PCDHGA5: variants seen among roughly 807,000 people sequenced by gnomAD.
PCDHGA5 encodes protocadherin gamma subfamily A, 5.
In PCDHGA5, 36 loss-of-function variants were observed where a neutral mutation model predicts 56.7. That is an observed-to-expected ratio of 0.64 (90% confidence interval 0.49 to 0.84). The LOEUF (loss-of-function observed/expected upper bound fraction) is 0.84, where lower values mean the gene tolerates loss of function less well. Ranked by LOEUF, PCDHGA5 falls within the 40% of genes least tolerant of loss-of-function variation. PCDHGA5 has a pLI of 0.00. For missense variants in PCDHGA5, 1,305 were observed against 1,201.5 expected, an observed-to-expected ratio of 1.09 and a Z score of -1.27; for synonymous variants, 563 against 520.2, an observed-to-expected ratio of 1.08 and a Z score of -1.12.
intron 1 of PCDHGA5, chr5:141,375,958 G>A (rs1002329693): frequency 7.4e-6 from 12 of 1,613,460 alleles, no homozygotes; most frequent in Non-Finnish European, 1.0e-5. Context: ...ACACGGGCGA[G>A]GTGCGCACGG....
At chr5:141,462,896 A>G (rs1280422442) in intron 1 of PCDHGA5, among the ~76,000 whole-genome samples, 1 of 152,142 alleles carries the variant, frequency 6.6e-6, no homozygotes, top group African/African-American at 2.4e-5. Context: ...TTGTTTTGGA[A>G]GGCTATTATG....
Position 141,418,146 on chromosome 5 carries a change from G to A in PCDHGA5, c.2421+51395G>A, listed in dbSNP as rs755513829. The A allele has an allele frequency of 1.1e-5, 18 of 1,613,970 alleles. No homozygotes were observed. In the South Asian group the frequency reaches 1.6e-4, roughly 15 times the overall value. ...GACCGAATAGACCGTGAGCAAATAT[G>A]CAAAGAGAGAAGAAGATGTGAGTTG... is the stretch of plus-strand genomic sequence containing the variant. On this transcript the variant is annotated intron_variant, in intron 1 of 3. Transcript: ENST00000518069.
In PCDHGA5 at chr5:141,477,551, C is replaced by T. The variant is rs372055994; in HGVS notation, c.2422-17256C>T. ...CCTCCCCGGGGCTCCAATACTAAAC[C>T]TAAGTGTCTGGGACCCCGACGCCCC... On this transcript the variant is annotated intron_variant, in intron 1 of 3. Coordinates refer to ENST00000518069, the MANE Select transcript of PCDHGA5 (RefSeq NM_018918.3). The surrounding 1 kb of genome is among the most constrained non-coding windows in gnomAD (Gnocchi z 4.9). The T allele has an allele frequency of 8.1e-6, 13 of 1,614,060 alleles. No homozygotes were observed. Among genetic ancestry groups the T allele is most frequent in the Non-Finnish European group, 1.0e-5 (12 of 1,180,042 alleles).
intron 1 of PCDHGA5, chr5:141,414,991 G>T (rs1162432290): frequency 1.9e-6 from 3 of 1,613,766 alleles, no homozygotes; most frequent in Non-Finnish European, 1.7e-6. Flanking sequence ...CGGCCAGAAC[G>T]CCTGGCTGTC....
intron 1 of PCDHGA5, chr5:141,426,420 C>T (rs2096934904): frequency 3.5e-6 from 1 of 287,972 alleles, no homozygotes; most frequent in Non-Finnish European, 6.9e-6. Flanking sequence ...TCCAGGGCTC[C>T]GTGGTGGGGA....
At chr5:141,407,117 C>T (rs1412216570) in intron 1 of PCDHGA5, among the ~76,000 whole-genome samples, 1 of 152,098 alleles carries the variant, frequency 6.6e-6, no homozygotes, top group African/African-American at 2.4e-5. Flanking sequence ...ATTTGGGTTT[C>T]AGTTGCTTTA....
At chr5:141,372,942 T>C in intron 1 of PCDHGA5, 1 of 786,954 alleles carries the variant, frequency 1.3e-6, no homozygotes. Context: ...GAGTAGGGTG[T>C]CTAGGAAATT....
In PCDHGA5 at chr5:141,365,274, A is replaced by G. The variant is rs199512708; in HGVS notation, c.944A>G (p.Tyr315Cys). 679 of 1,613,988 alleles carry G rather than the reference A, an allele frequency of 4.2e-4. No homozygotes were observed. Among genetic ancestry groups the G allele is most frequent in the Non-Finnish European group, 5.0e-4 (592 of 1,179,890 alleles). The change falls in exon 1 of 4, where the codon TAC (tyrosine) becomes TGC (cysteine). Residue 315 changes from tyrosine to cysteine, a missense_variant. Transcript: ENST00000518069. ...QSLDYEESRF[Y>C]LMEVVAQDGG... ...CTGGACTATGAAGAATCCAGATTCT[A>G]CCTCATGGAAGTGGTAGCTCAGGAT...
intron 1 of PCDHGA5, chr5:141,375,772 G>C (rs769630296): frequency 2.5e-6 from 4 of 1,614,228 alleles, no homozygotes; most frequent in Admixed American, 3.3e-5. Flanking sequence ...CCGAGATCCT[G>C]TACCCCGCCC....
At chr5:141,430,950 TC>T (rs1353555538) in intron 1 of PCDHGA5, 1 of 1,609,980 alleles carries the variant, frequency 6.2e-7, no homozygotes, top group East Asian at 2.2e-5. Flanking sequence ...GAGCGCGGAG[TC>T]CGCATCATCC....
intron 1 of PCDHGA5, chr5:141,430,941 A>G: frequency 6.2e-7 from 1 of 1,608,258 alleles, no homozygotes; most frequent in Non-Finnish European, 8.5e-7. Context: ...GAGCTCGCGG[A>G]GCGCGGAGTC....
chr5:141,376,060 G>T lies in PCDHGA5; in HGVS notation c.2421+9309G>T, dbSNP rs375877156. Reference sequence around the variant, plus strand: ...AGCCCCCTCTCTCCGCCACTGTCACGCTCACCGTGGCCGTGGCCGACAGGA... The same window carrying T: ...AGCCCCCTCTCTCCGCCACTGTCACTCTCACCGTGGCCGTGGCCGACAGGA... On this transcript the variant is annotated intron_variant, in intron 1 of 3. Transcript: ENST00000518069. 3.7e-5 allele frequency: 60 copies of T among 1,613,348 alleles called. No homozygotes were observed. The African/African-American group carries it at 7.5e-4, about 20-fold the overall frequency.
At chr5:141,426,052 G>T (rs2096912121) in intron 1 of PCDHGA5, among the ~76,000 whole-genome samples, 1 of 152,162 alleles carries the variant, frequency 6.6e-6, no homozygotes, top group South Asian at 2.1e-4. Flanking sequence ...TGGCCAATGT[G>T]CTGCAAGAAC....
chr5:141,364,167 G>A lies in PCDHGA5; in HGVS notation c.-164G>A. 1.4e-6 allele frequency: 1 copy of A among 724,670 alleles called. No individual in the cohort carries two copies. Among genetic ancestry groups the A allele is most frequent in the Non-Finnish European group, 2.0e-6 (1 of 498,096 alleles). The allele number at this position is 724,670 out of a possible 1,614,324, so 44.9% of individuals were successfully genotyped here. A position where few individuals can be genotyped will look rare whatever the true frequency, so the allele number is the denominator to read the frequency against. The stretch of plus-strand genomic sequence containing the variant: ...AAAGAAGCTGCCGCAGAGGCGACCC[G>A]ACTCTGCTCCCTCCATACTAAACAC... On this transcript the variant is annotated 5_prime_UTR_variant, in exon 1 of 4. Transcript: ENST00000518069.
intron 1 of PCDHGA5, chr5:141,371,939 C>T (rs1561553418): frequency 6.2e-7 from 1 of 1,613,300 alleles, no homozygotes; most frequent in South Asian, 1.1e-5. Context: ...GGGTGGTGTT[C>T]GCGCAGCGAG....
intron 1 of PCDHGA5, chr5:141,390,735 C>T (rs1453703867): frequency 5.3e-6 from 1 of 189,140 alleles, no homozygotes; most frequent in Non-Finnish European, 1.1e-5. Context: ...CTGGTATGGT[C>T]TCCATAGTAG....
At chr5:141,404,672 G>T in intron 1 of PCDHGA5, 1 of 1,614,156 alleles carries the variant, frequency 6.2e-7, no homozygotes, top group Non-Finnish European at 8.5e-7. Flanking sequence ...TGGTTCTACT[G>T]GTGTGGAGCT....
intron 1 of PCDHGA5, chr5:141,398,512 C>G: frequency 1.3e-6 from 2 of 1,588,756 alleles, no homozygotes; most frequent in Non-Finnish European, 1.7e-6. Context: ...CATTAATGAC[C>G]ACACGCCAAA....
At chr5:141,497,214 G>C (rs929868102) in intron 2 of PCDHGA5, among the ~76,000 whole-genome samples, 2 of 152,138 alleles carry the variant, frequency 1.3e-5, no homozygotes, top group African/African-American at 4.8e-5. Flanking sequence ...TGTAATGGGG[G>C]GGGGAAGATC....
Sources: allele counts gnomAD v4.1 joint callset (sites outside exome capture counted in the v4.1 genomes callset), GRCh38; gene constraint gnomAD v4.1.1; non-coding constraint Gnocchi (gnomAD v3.1); transcripts MANE v1.5; gene names NCBI Gene and HGNC (gene_info 2026-07-23, HGNC 2026-07-21).